HEXD: variants seen among roughly 807,000 people sequenced by gnomAD.
HEXD encodes hexosaminidase D, also known as N-acetyl-beta-galactosaminidase.
HEXD carries 47 observed loss-of-function variants against 54.2 expected under a neutral mutation model. The observed-to-expected ratio is 0.87, with a 90% CI of 0.69 to 1.11. The LOEUF is 1.11. Among genes scored for constraint, HEXD ranks in the 50% least tolerant of loss-of-function variants. The probability of loss-of-function intolerance (pLI) is 0.00; values close to 1 mark genes in which losing one functional copy is unlikely to be tolerated. For missense variants in HEXD, 576 were observed against 649.2 expected (o/e 0.89, Z 1.23); for synonymous variants, 293 against 287.6 (o/e 1.02, Z -0.19).
At chr17:82,431,540 G>T (rs958806080) in intron 4 of HEXD, among the ~76,000 whole-genome samples, 4 of 151,184 alleles carry the variant, frequency 2.6e-5, no homozygotes, top group African/African-American at 9.7e-5. Context: ...TCAGCCTCCC[G>T]AGTAGCTGGG....
At chr17:82,428,439 T>C (rs894771638) in intron 3 of HEXD, 119 bp from the exon 4 acceptor site, 7 of 768,942 alleles carry the variant, frequency 9.1e-6, no homozygotes, top group Admixed American at 6.5e-5. Context: ...TTGTGGAGTT[T>C]AGGGCCTTAC....
In HEXD at chr17:82,434,773, G is replaced by A. The variant is rs950728994; in HGVS notation, c.448-916G>A. ...GAATCGCTTGAACCCAGGAGGTGAA[G>A]GTTGCAGTGAGCTGAGATCACGCCA... On this transcript the variant is annotated intron_variant, in intron 5 of 12. Coordinates refer to ENST00000327949, the MANE Select transcript of HEXD (RefSeq NM_001330542.2). This position sits in a 1 kb window ranked among gnomAD's most constrained non-coding sequence, Gnocchi z 4.5. Among the ~76,000 whole-genome samples the A allele has an allele frequency of 2.6e-5, 4 of 151,882 alleles. No homozygotes were observed. The highest frequency in any genetic ancestry group is 2.0e-4 in the Admixed American group (3 of 15,246).
rs2053127277 is a variant in HEXD at position 82,418,437 on chromosome 17, C to T, written c.-355C>T. ...CTGCTCCGGTTCCGGCGCTCGGCCG[C>T]TCCGTTGCCCTCGGGCGCCTTGGTT... On this transcript the variant is annotated 5_prime_UTR_variant, in exon 1 of 13. Coordinates refer to ENST00000327949, the MANE Select transcript of HEXD (RefSeq NM_001330542.2). 1.4e-6 allele frequency: 2 copies of T among 1,478,336 alleles called. No individual in the cohort carries two copies. The highest frequency in any genetic ancestry group is 1.8e-6 in the Non-Finnish European group (2 of 1,120,542). 91.6% of individuals were successfully genotyped at this position (1,478,336 alleles called of 1,614,324 possible).
chr17:82,440,496 CGCCA>C, intron 9 of HEXD: 1 of 390,368 alleles, frequency 2.6e-6, no homozygotes, highest in East Asian at 9.9e-5. Context: ...CGGCCCCATC[CGCCA>C]CCCGTGACTG....
At chr17:82,428,959 G>A (rs1229958313) in intron 4 of HEXD, among the ~76,000 whole-genome samples, 1 of 152,086 alleles carries the variant, frequency 6.6e-6, no homozygotes, top group Non-Finnish European at 1.5e-5. Context: ...ATTAGGGAAA[G>A]AAAAGGTGCT....
intron 2 of HEXD, among the ~76,000 whole-genome samples, chr17:82,423,828 AG>A (rs1271471165): frequency 0.018 from 2,566 of 141,408 alleles, 83 homozygotes; most frequent in African/African-American, 0.062. Context: ...AAAAAAAAAA[AG>A]AGAGAAAGAC....
In HEXD at chr17:82,442,575, G is replaced by C; in HGVS notation, c.*191G>C. 6.3e-7 allele frequency: 1 copy of C among 1,577,648 alleles called. No homozygotes were observed. The highest frequency in any genetic ancestry group is 1.1e-5 in the South Asian group (1 of 89,278). On this transcript the variant is annotated 3_prime_UTR_variant, in exon 13 of 13. Coordinates refer to ENST00000327949, the MANE Select transcript of HEXD (RefSeq NM_001330542.2). The surrounding 1 kb of genome is among the most constrained non-coding windows in gnomAD (Gnocchi z 6.8). ...AGAAAACACAGAAGGAAGCAGCACA[G>C]GGAGACCCGCTTTGTGATCTGCATG... is the stretch of plus-strand genomic sequence containing the variant.
At chr17:82,423,078 G>C (rs2053285072) in intron 2 of HEXD, among the ~76,000 whole-genome samples, 1 of 151,904 alleles carries the variant, frequency 6.6e-6, no homozygotes. Context: ...AGAAAGGAAA[G>C]GCGTTCTGAC....
At position 82,434,127 on chromosome 17, in the gene HEXD, G is replaced by A. The variant is rs926127566; in HGVS notation, c.447+305G>A. Among the ~76,000 whole-genome samples the A allele has an allele frequency of 1.3e-5, 2 of 152,224 alleles. No homozygotes were observed. The highest frequency in any genetic ancestry group is 2.9e-5 in the Non-Finnish European group (2 of 68,034). ...CGTGTCAGACGAGACCACCCCGGGC[G>A]GCTGGGCTGGCGGAAGCCTGTGGGT... On this transcript the variant is annotated intron_variant, in intron 5 of 12. Transcript: ENST00000327949. This position sits in a 1 kb window ranked among gnomAD's most constrained non-coding sequence, Gnocchi z 4.5.
At chr17:82,427,408 G>A (rs2053448384) in intron 3 of HEXD, 1 of 152,202 alleles carries the variant, frequency 6.6e-6, no homozygotes, top group Non-Finnish European at 1.5e-5. Flanking sequence ...ATCTGTTCTG[G>A]AAGGACTTCG....
At position 82,439,870 on chromosome 17, in the gene HEXD, G is replaced by C. The variant is rs74549364; in HGVS notation, c.982+157G>C. The C allele has an allele frequency of 4.5e-4, 693 of 1,538,284 alleles. 6 individuals are homozygous for C. The East Asian group carries it at 0.012, about 26-fold the overall frequency. On this transcript the variant is annotated intron_variant, in intron 9 of 12. Transcript: ENST00000327949. The stretch of plus-strand genomic sequence containing the variant: ...ACCGCCCCAGCTCAGCCACCCACCT[G>C]CCCTGAAGTCCACCCAGGCTGGGCC...
intron 8 of HEXD, chr17:82,439,347 A>G: frequency 1.2e-6 from 1 of 821,528 alleles, no homozygotes; most frequent in Non-Finnish European, 1.5e-6. Flanking sequence ...CCGGCCACCC[A>G]CCCAAGGTCC....
At chr17:82,436,935 T>C in intron 7 of HEXD, 197 bp downstream of exon 7, 1 of 627,142 alleles carries the variant, frequency 1.6e-6, no homozygotes, top group Non-Finnish European at 2.8e-6. Context: ...CCCTCCCTGT[T>C]CCACCAGTGT....
intron 12 of HEXD, 94 bp downstream of exon 12, chr17:82,441,983 G>A (rs2053994769): frequency 7.2e-7 from 1 of 1,392,392 alleles, no homozygotes; most frequent in Non-Finnish European, 1.0e-6. Context: ...AGCAGAGGGT[G>A]AGCCCCTAGT....
At chr17:82,440,081 G>A in intron 9 of HEXD, 4 of 1,294,000 alleles carry the variant, frequency 3.1e-6, no homozygotes, top group Non-Finnish European at 3.0e-6. Context: ...GGCCCTGGAA[G>A]GCCCCGCACC....
At chr17:82,441,917 G>A (rs1380251398) in intron 12 of HEXD, 28 bp downstream of exon 12, 1 of 1,599,554 alleles carries the variant, frequency 6.3e-7, no homozygotes, top group South Asian at 1.1e-5. Flanking sequence ...TATAGGCCGT[G>A]CAGCCATGGG....
At chr17:82,431,486 C>T (rs1009648592) in intron 4 of HEXD, among the ~76,000 whole-genome samples, 4 of 150,270 alleles carry the variant, frequency 2.7e-5, no homozygotes, top group Non-Finnish European at 5.9e-5. Flanking sequence ...TGGAGTGCAG[C>T]GGCGTGATCT....
At chr17:82,421,341 T>C (rs947582024) in intron 2 of HEXD, among the ~76,000 whole-genome samples, 1 of 152,092 alleles carries the variant, frequency 6.6e-6, no homozygotes, top group Non-Finnish European at 1.5e-5. Context: ...AGGGAAAGCA[T>C]CCACATTGAA....
chr17:82,437,732 G>A (rs763915899), intron 8 of HEXD, among the ~76,000 whole-genome samples: 8 of 152,166 alleles, frequency 5.3e-5, no homozygotes, highest in South Asian at 2.1e-4. Context: ...CGGACCCCAC[G>A]AGAAGGTTCT....
Sources: gnomAD v4.1 joint callset for allele counts (sites outside exome capture counted in the v4.1 genomes callset) on GRCh38, gnomAD v4.1.1 for gene constraint, Gnocchi (gnomAD v3.1) non-coding constraint, MANE v1.5 for transcripts, NCBI Gene and HGNC (gene_info 2026-07-23, HGNC 2026-07-21) for gene names.